DLG2: variants seen among roughly 807,000 people sequenced by gnomAD.
The protein encoded by DLG2 is disks large homolog 2.
A neutral mutation model predicts 132.5 loss-of-function variants in DLG2; 45 were observed. The observed-to-expected ratio is 0.34, with a 90% CI of 0.27 to 0.44. The LOEUF (loss-of-function observed/expected upper bound fraction) is 0.44, where lower values mean the gene tolerates loss of function less well. Among genes scored for constraint, DLG2 ranks in the 20% least tolerant of loss-of-function variants. DLG2 has a pLI of 1.00. For missense variants in DLG2, 1,045 were observed against 1,196.9 expected, an observed-to-expected ratio of 0.87 and a Z score of 1.87; for synonymous variants, 424 against 419.6, an observed-to-expected ratio of 1.01 and a Z score of -0.13.
At chr11:83,890,469 C>A (rs941257731) in intron 15 of DLG2, among the ~76,000 whole-genome samples, 1 of 152,052 alleles carries the variant, frequency 6.6e-6, no homozygotes, top group African/African-American at 2.4e-5. Flanking sequence ...TCAGTTGTTA[C>A]TGTCCTCTCC....
chr11:84,134,270 G>A (rs774290102), intron 9 of DLG2, among the ~76,000 whole-genome samples: 8 of 151,160 alleles, frequency 5.3e-5, no homozygotes, highest in Non-Finnish European at 8.9e-5. Context: ...TCTTCCTGAG[G>A]AGGAAGGAAT....
intron 8 of DLG2, among the ~76,000 whole-genome samples, chr11:84,213,347 C>T (rs1048525196): frequency 1.3e-5 from 2 of 152,142 alleles, no homozygotes; most frequent in African/African-American, 2.4e-5. Flanking sequence ...GCTCTATGAA[C>T]TTAAAAGGCC....
intron 10 of DLG2, among the ~76,000 whole-genome samples, chr11:84,060,830 A>G (rs2096580535): frequency 6.6e-6 from 1 of 151,866 alleles, no homozygotes; most frequent in Non-Finnish European, 1.5e-5. Context: ...ACCACCACGC[A>G]GTCAGTTCTA....
At chr11:83,550,362 G>A (rs978335815) in intron 19 of DLG2, among the ~76,000 whole-genome samples, 3 of 152,134 alleles carry the variant, frequency 2.0e-5, no homozygotes, top group Non-Finnish European at 2.9e-5. Context: ...GATGTGGTAT[G>A]AGCAGATTTC....
intron 3 of DLG2, among the ~76,000 whole-genome samples, chr11:85,377,039 T>C (rs1003485770): frequency 6.6e-6 from 1 of 152,188 alleles, no homozygotes; most frequent in Non-Finnish European, 1.5e-5. Context: ...CCACCCTTTA[T>C]GGATAATGAA....
At chr11:84,097,583 C>T (rs1438391796) in intron 10 of DLG2, among the ~76,000 whole-genome samples, 1 of 152,178 alleles carries the variant, frequency 6.6e-6, no homozygotes, top group African/African-American at 2.4e-5. Context: ...TGAATAAACT[C>T]TTCCTTACAG....
chr11:83,887,909 C>T (rs1413799241), intron 15 of DLG2, among the ~76,000 whole-genome samples: 1 of 149,572 alleles, frequency 6.7e-6, no homozygotes, highest in Non-Finnish European at 1.5e-5. Context: ...ACGCTTCATG[C>T]TAAAAACTCT....
chr11:85,585,912 G>C (rs1032442674), intron 3 of DLG2, among the ~76,000 whole-genome samples: 2 of 151,988 alleles, frequency 1.3e-5, no homozygotes, highest in African/African-American at 4.8e-5. Flanking sequence ...TAGTGACAGG[G>C]TTTTGCCATG....
At chr11:83,524,786 T>C (rs1213209946) in intron 21 of DLG2, among the ~76,000 whole-genome samples, 2 of 152,152 alleles carry the variant, frequency 1.3e-5, no homozygotes, top group Non-Finnish European at 2.9e-5. Context: ...TTTCCTGATT[T>C]CTGCCAACAA....
intron 2 of DLG2, among the ~76,000 whole-genome samples, chr11:85,615,853 G>C (rs1277227673): frequency 6.6e-6 from 1 of 151,914 alleles, no homozygotes; most frequent in African/African-American, 2.4e-5. Flanking sequence ...CCACGAAGCT[G>C]AACCCAAACC....
chr11:84,475,784 T>G (rs1038450468), intron 7 of DLG2, among the ~76,000 whole-genome samples: 2 of 152,152 alleles, frequency 1.3e-5, no homozygotes, highest in African/African-American at 4.8e-5. Context: ...TGCAAGCTGT[T>G]GTGTGCCCAA....
intron 15 of DLG2, among the ~76,000 whole-genome samples, chr11:83,879,983 A>G (rs2065760601): frequency 6.6e-6 from 1 of 152,224 alleles, no homozygotes; most frequent in African/African-American, 2.4e-5. Context: ...AAGGAAAACA[A>G]GACATTTTGA....
intron 2 of DLG2, among the ~76,000 whole-genome samples, chr11:85,607,156 G>A (rs1299662666): frequency 1.3e-5 from 2 of 152,144 alleles, no homozygotes; most frequent in Non-Finnish European, 2.9e-5. Flanking sequence ...GAATTCAGGG[G>A]CTAAATACCA....
At chr11:84,972,964 CTTTTT>C (rs538235900) in intron 6 of DLG2, among the ~76,000 whole-genome samples, 1 of 123,938 alleles carries the variant, frequency 8.1e-6, no homozygotes, top group Non-Finnish European at 1.7e-5. Context: ...TTTTTTTTTT[CTTTTT>C]TTTTTGAGAC....
chr11:84,656,107 C>T (rs2099687916), intron 6 of DLG2, among the ~76,000 whole-genome samples: 1 of 152,120 alleles, frequency 6.6e-6, no homozygotes, highest in Admixed American at 6.6e-5. Flanking sequence ...CCTCACAGCA[C>T]AAAACCTCTG....
chr11:83,805,823 G>A (rs887550141), intron 17 of DLG2, among the ~76,000 whole-genome samples: 5 of 152,104 alleles, frequency 3.3e-5, no homozygotes, highest in African/African-American at 1.2e-4. Context: ...TCTCTGATAT[G>A]AGGGAACGTT....
intron 18 of DLG2, among the ~76,000 whole-genome samples, chr11:83,711,277 A>G (rs972837367): frequency 5.3e-5 from 8 of 152,226 alleles, no homozygotes; most frequent in African/African-American, 1.4e-4. Context: ...TATAGATGCT[A>G]TGACCACTCT....
intron 6 of DLG2, among the ~76,000 whole-genome samples, chr11:84,797,244 T>A (rs1386518432): frequency 6.6e-6 from 1 of 152,178 alleles, no homozygotes; most frequent in Non-Finnish European, 1.5e-5. Context: ...TCTGTAACCT[T>A]CTAGGACTTG....
intron 6 of DLG2, among the ~76,000 whole-genome samples, chr11:84,976,840 G>A (rs1003588562): frequency 5.9e-5 from 9 of 151,994 alleles, no homozygotes; most frequent in Non-Finnish European, 7.4e-5. Flanking sequence ...TATTTTAATC[G>A]ATTCTAAGGT....
Sources: allele counts gnomAD v4.1 joint callset (sites outside exome capture counted in the v4.1 genomes callset), GRCh38; gene constraint gnomAD v4.1.1; transcripts MANE v1.5; gene names NCBI Gene and HGNC (gene_info 2026-07-23, HGNC 2026-07-21).